TBC1D22A: variants seen among roughly 807,000 people sequenced by gnomAD.
TBC1D22A encodes putative GTPase activator.
Under a neutral mutation model 60.2 loss-of-function variants are expected in TBC1D22A, and 38 were observed. The ratio of observed to expected loss-of-function variants is 0.63; its 90% confidence interval spans 0.49 to 0.83. The LOEUF is 0.83. Ranked by LOEUF, TBC1D22A falls within the 40% of genes least tolerant of loss-of-function variation. TBC1D22A has a pLI of 0.00. For synonymous variants in TBC1D22A, 302 were observed against 281.7 expected, an observed-to-expected ratio of 1.07 and a Z score of -0.72; for missense variants, 628 against 701.0, an observed-to-expected ratio of 0.90 and a Z score of 1.18.
intron 11 of TBC1D22A, among the ~76,000 whole-genome samples, chr22:47,066,361 G>T (rs1000877268): frequency 3.9e-5 from 6 of 151,916 alleles, no homozygotes; most frequent in African/African-American, 1.4e-4. Context: ...GTGCCGGGAC[G>T]TACGTGCGGG....
At chr22:46,928,382 A>G (rs1235893406) in intron 8 of TBC1D22A, among the ~76,000 whole-genome samples, 1 of 152,246 alleles carries the variant, frequency 6.6e-6, no homozygotes, top group Non-Finnish European at 1.5e-5. Context: ...GAAATGCAAA[A>G]AGATGAAGTT....
intron 8 of TBC1D22A, among the ~76,000 whole-genome samples, chr22:46,913,004 A>T (rs1186023456): frequency 6.6e-6 from 1 of 152,192 alleles, no homozygotes; most frequent in Non-Finnish European, 1.5e-5. Flanking sequence ...ATTTGGTTTC[A>T]TGAGAGTATT....
At chr22:46,829,965 G>A (rs1365064173) in intron 4 of TBC1D22A, among the ~76,000 whole-genome samples, 1 of 152,226 alleles carries the variant, frequency 6.6e-6, no homozygotes, top group Admixed American at 6.5e-5. Flanking sequence ...AAGGAGCAGG[G>A]GTACACAGGG....
intron 10 of TBC1D22A, among the ~76,000 whole-genome samples, chr22:47,031,929 G>A (rs2062487851): frequency 1.3e-5 from 2 of 152,220 alleles, no homozygotes; most frequent in Non-Finnish European, 2.9e-5. Flanking sequence ...TGCAAGTGGG[G>A]CAGGAAGGGT....
intron 4 of TBC1D22A, among the ~76,000 whole-genome samples, chr22:46,816,147 C>T (rs936539742): frequency 2.0e-4 from 30 of 152,188 alleles, no homozygotes; most frequent in African/African-American, 5.1e-4. Context: ...CCTCCTGCTG[C>T]GGCCGGCCGC....
At chr22:46,999,629 C>T (rs2075242555) in intron 10 of TBC1D22A, among the ~76,000 whole-genome samples, 1 of 152,162 alleles carries the variant, frequency 6.6e-6, no homozygotes, top group Non-Finnish European at 1.5e-5. Context: ...CATCACTTGC[C>T]TCCTAGAGAA....
chr22:46,982,469 G>A (rs561815104), intron 9 of TBC1D22A, among the ~76,000 whole-genome samples: 5 of 150,500 alleles, frequency 3.3e-5, no homozygotes, highest in African/African-American at 9.8e-5. Context: ...TGATCCACCC[G>A]CCTCGGCCTC....
At chr22:46,975,512 G>GC (rs1292527148) in intron 9 of TBC1D22A, among the ~76,000 whole-genome samples, 1 of 152,148 alleles carries the variant, frequency 6.6e-6, no homozygotes. Context: ...GGGCCTCCCG[G>GC]GAGGGTCTGC....
At chr22:46,847,929 GT>G in intron 4 of TBC1D22A, among the ~76,000 whole-genome samples, 1 of 122,688 alleles carries the variant, frequency 8.2e-6, no homozygotes, top group South Asian at 2.4e-4. Flanking sequence ...GTGTGTGTGT[GT>G]GTGTGTGTGT....
At chr22:47,061,068 C>T (rs1194914011) in intron 11 of TBC1D22A, among the ~76,000 whole-genome samples, 2 of 151,840 alleles carry the variant, frequency 1.3e-5, no homozygotes, top group African/African-American at 4.9e-5. Flanking sequence ...GGTGCCCTCA[C>T]CACGGTCCTG....
intron 12 of TBC1D22A, among the ~76,000 whole-genome samples, chr22:47,149,483 A>G (rs2147169037): frequency 6.6e-6 from 1 of 152,402 alleles, no homozygotes; most frequent in East Asian, 1.9e-4. Context: ...CCACGGCCAC[A>G]GGCCAGGCTG....
chr22:46,783,947 A>G (rs891251683), intron 1 of TBC1D22A, among the ~76,000 whole-genome samples: 3 of 152,256 alleles, frequency 2.0e-5, no homozygotes, highest in African/African-American at 4.8e-5. Flanking sequence ...CGTCATATGC[A>G]TCTGCTTTTC....
chr22:46,929,625 A>G (rs2071239668), intron 8 of TBC1D22A, among the ~76,000 whole-genome samples: 1 of 152,170 alleles, frequency 6.6e-6, no homozygotes, highest in Non-Finnish European at 1.5e-5. Flanking sequence ...TACACTCTCC[A>G]GTACTGACAT....
intron 11 of TBC1D22A, among the ~76,000 whole-genome samples, chr22:47,064,136 G>A (rs5769341): frequency 2.0e-5 from 3 of 152,360 alleles, no homozygotes; most frequent in South Asian, 2.1e-4. Context: ...GGATCCACTC[G>A]CTGTGGACAG....
At chr22:47,035,520 C>T (rs935567825) in intron 10 of TBC1D22A, among the ~76,000 whole-genome samples, 1 of 152,222 alleles carries the variant, frequency 6.6e-6, no homozygotes, top group African/African-American at 2.4e-5. Context: ...TGTATTGCTG[C>T]ATCTACCCCA....
rs143756477 is a variant in TBC1D22A, at chr22:46,938,676, C to G, written c.1015+26488C>G. ...TCTCAGCTTACTGCATCCTCCACCTCCCGGGTTCAAGCAATTCTCCTGCCT... is the reference window on the plus strand; with the variant it reads ...TCTCAGCTTACTGCATCCTCCACCTGCCGGGTTCAAGCAATTCTCCTGCCT... On this transcript the variant is annotated intron_variant, in intron 8 of 12. Transcript: ENST00000337137. 2.0e-5 allele frequency among the ~76,000 whole-genome samples: 3 copies of G among 151,680 alleles called. No individual in the cohort carries two copies. In the East Asian group the frequency reaches 5.8e-4, roughly 29 times the overall value.
rs182283937 is a variant in TBC1D22A, at chr22:46,797,366, G to A, written c.461-78G>A. 4.2e-3 allele frequency: 6,412 copies of A among 1,535,204 alleles called. 22 individuals carry two copies. The highest frequency in any genetic ancestry group is 5.2e-3 in the Non-Finnish European group (5,879 of 1,122,486). ...AAGGGACCCATCAGCATTCACAAAG[G>A]GACAGTGGCACAGCAAGGAGGAACG... On this transcript the variant is annotated intron_variant, in intron 3 of 12. Coordinates refer to ENST00000337137, the MANE Select transcript of TBC1D22A (RefSeq NM_014346.5).
chr22:46,895,924 G>A (rs2068652288), intron 7 of TBC1D22A, among the ~76,000 whole-genome samples: 1 of 152,138 alleles, frequency 6.6e-6, no homozygotes, highest in Non-Finnish European at 1.5e-5. Context: ...TGTGCCTGTT[G>A]TACCTTCAAG....
At chr22:47,117,626 G>A (rs544771885) in intron 12 of TBC1D22A, among the ~76,000 whole-genome samples, 2 of 152,152 alleles carry the variant, frequency 1.3e-5, no homozygotes, top group East Asian at 1.9e-4. Context: ...GTCTGGCAGC[G>A]GCCGCAGGAG....
Sources: allele counts gnomAD v4.1 joint callset (sites outside exome capture counted in the v4.1 genomes callset), GRCh38; gene constraint gnomAD v4.1.1; transcripts MANE v1.5; gene names NCBI Gene and HGNC (gene_info 2026-07-23, HGNC 2026-07-21).